Variants in ADCY10 observed in about 807,000 individuals in gnomAD.
The protein encoded by ADCY10 is adenylate cyclase 10.
In ADCY10, 156 loss-of-function variants were observed where a neutral mutation model predicts 183.3. That is an observed-to-expected ratio of 0.85 (90% CI 0.75 to 0.97). The LOEUF is 0.97. Ranked by LOEUF, ADCY10 falls within the 50% of genes least tolerant of loss-of-function variation. The pLI, the probability that ADCY10 is intolerant of heterozygous loss-of-function variation, is 0.00. For missense variants in ADCY10, 1,745 were observed against 1,934.3 expected (o/e 0.90, Z 1.84); for synonymous variants, 645 against 670.0 (o/e 0.96, Z 0.58).
chr1:167,849,159 A>ATT (rs1665288364), intron 18 of ADCY10, among the ~76,000 whole-genome samples: 1 of 152,088 alleles, frequency 6.6e-6, no homozygotes, highest in Non-Finnish European at 1.5e-5. Flanking sequence ...AGAATGTATT[A>ATT]TTATATATAT....
At chr1:167,895,495 AGATGTTTCT>A (rs1668906048) in intron 7 of ADCY10, among the ~76,000 whole-genome samples, 2 of 152,258 alleles carry the variant, frequency 1.3e-5, no homozygotes, top group South Asian at 2.1e-4. Context: ...AATGATTCAA[AGATGTTTCT>A]GATGTTTCTC....
chr1:167,838,211 G>A (rs1330646198), intron 21 of ADCY10, among the ~76,000 whole-genome samples: 1 of 152,224 alleles, frequency 6.6e-6, no homozygotes, highest in East Asian at 1.9e-4. Context: ...CAACTCCTGT[G>A]TGCCCGTCAA....
At chr1:167,901,628 C>T (rs754632280) in intron 5 of ADCY10, 34 bp downstream of exon 5, 18 of 1,609,286 alleles carry the variant, frequency 1.1e-5, no homozygotes, top group Non-Finnish European at 8.5e-6. Flanking sequence ...CCTATCCCAG[C>T]TGCCGTAGGA....
chr1:167,899,786 T>A (rs1669263714), intron 5 of ADCY10, among the ~76,000 whole-genome samples, 158 bp from the exon 6 acceptor site: 1 of 152,226 alleles, frequency 6.6e-6, no homozygotes. Context: ...ATACCTCTTT[T>A]GGGCTCGGGC....
At chr1:167,885,402 A>T (rs1668152050) in intron 8 of ADCY10, among the ~76,000 whole-genome samples, 1 of 152,188 alleles carries the variant, frequency 6.6e-6, no homozygotes, top group South Asian at 2.1e-4. Flanking sequence ...TTACTTTCTC[A>T]TTAACAGTGT....
intron 30 of ADCY10, chr1:167,821,232 G>T (rs1216491966): frequency 1.3e-5 from 2 of 152,370 alleles, no homozygotes; most frequent in African/African-American, 2.4e-5. Flanking sequence ...AGTTAAAAAC[G>T]TAGTAGGTTA....
At chr1:167,880,277 G>T in intron 10 of ADCY10, 86 bp from the exon 11 acceptor site, 1 of 1,276,956 alleles carries the variant, frequency 7.8e-7, no homozygotes, top group Non-Finnish European at 1.1e-6. Flanking sequence ...ATAATGTCTG[G>T]GTTGGGAAAG....
chr1:167,899,415 A>G lies in ADCY10; in HGVS notation c.642+8T>C. 4 of 1,613,964 alleles carry G rather than the reference A, an allele frequency of 2.5e-6. No homozygotes were observed. In the South Asian group the frequency reaches 4.4e-5, roughly 18 times the overall value. ...AGAACTTTCTGTAAGTAGCAGCATC[A>G]CACCCACCTTAACTGCTCTCTGATC... On this transcript the variant is annotated splice_region_variant and intron_variant, in intron 6 of 32. Coordinates refer to ENST00000367851, the MANE Select transcript of ADCY10 (RefSeq NM_018417.6).
intron 21 of ADCY10, among the ~76,000 whole-genome samples, chr1:167,842,999 C>T (rs907516263): frequency 6.6e-6 from 1 of 152,144 alleles, no homozygotes; most frequent in Non-Finnish European, 1.5e-5. Context: ...AGGGAATTTA[C>T]AAAGTCTCTA....
At chr1:167,884,404 G>A (rs949271967) in intron 8 of ADCY10, among the ~76,000 whole-genome samples, 2 of 152,048 alleles carry the variant, frequency 1.3e-5, no homozygotes, top group African/African-American at 2.4e-5. Context: ...AACAGCAAGG[G>A]TATAATCCAC....
At position 167,862,341 on chromosome 1, in the gene ADCY10, TA is replaced by T. The variant is rs1178672352; in HGVS notation, c.1617-1279del. On this transcript the variant is annotated intron_variant, in intron 14 of 32. Coordinates refer to ENST00000367851, the MANE Select transcript of ADCY10 (RefSeq NM_018417.6). ...TAATCCAATAAAACTGATGCCCTTA[TA>T]AAAAGGAGAAATTTGGACACAAACA... Among the ~76,000 whole-genome samples, 3 of 152,260 alleles carry T rather than the reference TA, an allele frequency of 2.0e-5. No homozygotes were observed. In the East Asian group the frequency reaches 5.8e-4, roughly 29 times the overall value.
At chr1:167,832,160 T>C (rs189835584) in intron 25 of ADCY10, among the ~76,000 whole-genome samples, 8 of 152,304 alleles carry the variant, frequency 5.3e-5, no homozygotes, top group Non-Finnish European at 1.2e-4. Flanking sequence ...TATAGTAATA[T>C]AGCTACAGAG....
chr1:167,905,793 T>C (rs532839842), intron 1 of ADCY10, among the ~76,000 whole-genome samples: 24 of 152,188 alleles, frequency 1.6e-4, no homozygotes, highest in African/African-American at 5.5e-4. Context: ...CCTTAAGCTG[T>C]AAATGGAAGG....
At chr1:167,848,576 A>G in intron 18 of ADCY10, 87 bp from the exon 19 acceptor site, 2 of 1,411,716 alleles carry the variant, frequency 1.4e-6, no homozygotes, top group Admixed American at 1.7e-5. Context: ...GATGGATCTC[A>G]TATGAGGAAG....
chr1:167,899,764 A>C lies in ADCY10; in HGVS notation c.437-136T>G, dbSNP rs995140308. On this transcript the variant is annotated intron_variant, in intron 5 of 32. Transcript: ENST00000367851. ...AAATCTCACTTCTAAAACTTTACATAGGAATTATGGCATACCTCTTTTGGG... is the reference window on the plus strand; with the variant it reads ...AAATCTCACTTCTAAAACTTTACATCGGAATTATGGCATACCTCTTTTGGG... 2.8e-5 allele frequency: 23 copies of C among 818,170 alleles called. No individual in the cohort carries two copies. In the African/African-American group the frequency reaches 3.4e-4, roughly 12 times the overall value. 50.7% of individuals were successfully genotyped at this position (818,170 alleles called of 1,614,324 possible). A position where few individuals can be genotyped will look rare whatever the true frequency, so the allele number is the denominator to read the frequency against.
At chr1:167,868,694 C>A (rs1666871293) in intron 14 of ADCY10, among the ~76,000 whole-genome samples, 1 of 152,196 alleles carries the variant, frequency 6.6e-6, no homozygotes, top group South Asian at 2.1e-4. Flanking sequence ...AATAGGCGAA[C>A]TCCTGGGCTT....
Position 167,880,576 on chromosome 1 carries a change from CA to C in ADCY10, c.1053del (p.Glu353LysfsTer48). On this transcript the variant is annotated frameshift_variant, in exon 10 of 33. Coordinates refer to ENST00000367851, the MANE Select transcript of ADCY10 (RefSeq NM_018417.6). LOFTEE classifies it high-confidence loss of function. ...GTGAGCTCGTCAGGTACCTTTTCCC[CA>C]GGGAAGCCAAAGACACAGAGGAAAG... ...GCSFLCVFGF[P>X]GEKVPDELTH... The C allele has an allele frequency of 6.2e-7, 1 of 1,613,994 alleles. No individual in the cohort carries two copies. Among genetic ancestry groups the C allele is most frequent in the Non-Finnish European group, 8.5e-7 (1 of 1,179,966 alleles).
chr1:167,889,443 G>T (rs1024911679), intron 8 of ADCY10, among the ~76,000 whole-genome samples: 1 of 152,054 alleles, frequency 6.6e-6, no homozygotes, highest in Non-Finnish European at 1.5e-5. Flanking sequence ...CATGATGGAT[G>T]ATCTTTTTAA....
Position 167,911,429 on chromosome 1 carries a change from C to T in ADCY10, c.-59+2547G>A, listed in dbSNP as rs572663497. Among the ~76,000 whole-genome samples, 3 of 152,352 alleles carry T rather than the reference C, an allele frequency of 2.0e-5. No individual in the cohort carries two copies. The South Asian group carries it at 6.2e-4, about 32-fold the overall frequency. ...GCATGCTTATACTGGTCCAAGCAAC[C>T]ATTAGGTCATAGCCTGTTCCTCTTC... On this transcript the variant is annotated intron_variant, in intron 1 of 32. Coordinates refer to ENST00000367851, the MANE Select transcript of ADCY10 (RefSeq NM_018417.6).
Sources: gnomAD v4.1 joint callset for allele counts (sites outside exome capture counted in the v4.1 genomes callset) on GRCh38, gnomAD v4.1.1 for gene constraint, MANE v1.5 for transcripts, NCBI Gene and HGNC (gene_info 2026-07-23, HGNC 2026-07-21) for gene names.